The following KLHL1 variants were observed in gnomAD, a reference collection of about 807,000 sequenced individuals.
KLHL1 encodes the protein kelch-like protein 1.
A neutral mutation model predicts 77.7 loss-of-function variants in KLHL1; 47 were observed. The observed-to-expected ratio is 0.60, with a 90% confidence interval of 0.48 to 0.77. The LOEUF is 0.77. KLHL1 is among the 30% of genes least tolerant of loss of function. KLHL1 has a pLI of 0.00. For synonymous variants in KLHL1, 360 were observed against 325.2 expected, an observed-to-expected ratio of 1.11 and a Z score of -1.15; for missense variants, 925 against 910.8, an observed-to-expected ratio of 1.02 and a Z score of -0.20.
intron 1 of KLHL1, among the ~76,000 whole-genome samples, chr13:70,015,904 A>T (rs1197477916): frequency 6.6e-6 from 1 of 152,188 alleles, no homozygotes; most frequent in Non-Finnish European, 1.5e-5. Flanking sequence ...TTCCTTCAAG[A>T]ACATTTTCTT....
At chr13:69,755,648 TAA>T (rs376189037) in intron 7 of KLHL1, among the ~76,000 whole-genome samples, 1 of 151,240 alleles carries the variant, frequency 6.6e-6, no homozygotes, top group South Asian at 2.1e-4. Context: ...AAAGTAATTT[TAA>T]AAAAAAAGCA....
intron 6 of KLHL1, among the ~76,000 whole-genome samples, chr13:69,828,717 A>G (rs12431067): frequency 0.19 from 27,886 of 149,828 alleles, 4,763 homozygotes; most frequent in African/African-American, 0.36. Context: ...TGATGCTGGG[A>G]CAAGGTGGGA....
At chr13:69,964,048 T>G (rs538656697) in intron 2 of KLHL1, among the ~76,000 whole-genome samples, 1 of 90,646 alleles carries the variant, frequency 1.1e-5, no homozygotes, top group South Asian at 3.8e-4. Flanking sequence ...TTTGTCAGTT[T>G]GTTTGTTTTT....
intron 8 of KLHL1, among the ~76,000 whole-genome samples, chr13:69,731,580 G>C (rs867840948): frequency 2.6e-5 from 4 of 152,232 alleles, no homozygotes; most frequent in Middle Eastern, 6.8e-3. Context: ...TTTTGATATT[G>C]AGAGTGATTA....
At chr13:69,765,105 C>A (rs1413297405) in intron 7 of KLHL1, among the ~76,000 whole-genome samples, 2 of 151,362 alleles carry the variant, frequency 1.3e-5, no homozygotes, top group African/African-American at 4.9e-5. Flanking sequence ...GCATGTGCCA[C>A]CATGCCTGGC....
At chr13:69,944,907 C>A (rs533314591) in intron 3 of KLHL1, among the ~76,000 whole-genome samples, 1 of 151,608 alleles carries the variant, frequency 6.6e-6, no homozygotes, top group Non-Finnish European at 1.5e-5. Flanking sequence ...TTGATGTATA[C>A]CCCAAATGAT....
chr13:69,985,390 T>C (rs1357034282), intron 1 of KLHL1, among the ~76,000 whole-genome samples: 1 of 151,766 alleles, frequency 6.6e-6, no homozygotes, highest in African/African-American at 2.4e-5. Flanking sequence ...AAATGAAAAA[T>C]GCTCAACTTC....
chr13:69,841,442 A>AAT (rs138402941), intron 5 of KLHL1, among the ~76,000 whole-genome samples: 8,250 of 151,892 alleles, frequency 0.054, 353 homozygotes, highest in African/African-American at 0.11. Context: ...AGAAAAAAAA[A>AAT]CAAGTAGTCC....
chr13:69,941,753 T>G (rs559098485), intron 3 of KLHL1, among the ~76,000 whole-genome samples: 1 of 151,850 alleles, frequency 6.6e-6, no homozygotes, highest in Non-Finnish European at 1.5e-5. Flanking sequence ...AAGATCCAAA[T>G]AAACTCAATT....
rs9572300 is a variant in KLHL1, at chr13:69,842,224, A to G, written c.1228-3062T>C. Among the ~76,000 whole-genome samples the G allele has an allele frequency of 7.2e-5, 11 of 151,864 alleles. No homozygotes were observed. The East Asian group carries it at 2.1e-3, about 29-fold the overall frequency. On this transcript the variant is annotated intron_variant, in intron 5 of 10. Transcript: ENST00000377844. Reference sequence around the variant, plus strand: ...ATATCAAATTAAAAAGCTTCTGCACAACAAAGGAAAAAAATCAACAAAGTG... The same window carrying G: ...ATATCAAATTAAAAAGCTTCTGCACGACAAAGGAAAAAAATCAACAAAGTG...
At chr13:69,968,753 A>AT (rs1199538308) in intron 2 of KLHL1, among the ~76,000 whole-genome samples, 1 of 152,014 alleles carries the variant, frequency 6.6e-6, no homozygotes, top group Non-Finnish European at 1.5e-5. Flanking sequence ...AATGCTCATC[A>AT]TTTTTTATGG....
chr13:69,951,136 T>C lies in KLHL1; in HGVS notation c.817+10172A>G, dbSNP rs1198529363. On this transcript the variant is annotated intron_variant, in intron 3 of 10. Coordinates refer to ENST00000377844, the MANE Select transcript of KLHL1 (RefSeq NM_020866.3). ...GAAAAACTAATTGGTATGTCATTTC[T>C]ATGAATACAAACAGAGTTTTAAGAC... Among the ~76,000 whole-genome samples, 4 of 151,646 alleles carry C rather than the reference T, an allele frequency of 2.6e-5. No individual in the cohort carries two copies. In the Admixed American group the frequency reaches 2.6e-4, roughly 10 times the overall value.
chr13:69,828,663 G>A lies in KLHL1; in HGVS notation c.1414+10313C>T, dbSNP rs540565182. Among the ~76,000 whole-genome samples, 2 of 150,278 alleles carry A rather than the reference G, an allele frequency of 1.3e-5. 1 individual carries two copies. The highest frequency in any genetic ancestry group is 5.0e-5 in the African/African-American group (2 of 40,136). On this transcript the variant is annotated intron_variant, in intron 6 of 10. Transcript: ENST00000377844. ...CAGGGAGGTTTGCAGCCTGGGGCAAGATCTCAGCCCTGCTTATCAGCTGCC... is the reference window on the plus strand; with the variant it reads ...CAGGGAGGTTTGCAGCCTGGGGCAAAATCTCAGCCCTGCTTATCAGCTGCC...
chr13:69,784,714 A>G (rs1446262189), intron 7 of KLHL1, among the ~76,000 whole-genome samples: 5 of 151,626 alleles, frequency 3.3e-5, no homozygotes, highest in African/African-American at 4.9e-5. Context: ...AAAGAGACTT[A>G]GACTCCCACA....
intron 3 of KLHL1, among the ~76,000 whole-genome samples, chr13:69,957,468 G>C (rs17085791): frequency 0.13 from 19,450 of 151,484 alleles, 1,942 homozygotes; most frequent in East Asian, 0.29. Flanking sequence ...ATATGCATTC[G>C]CTATATTCCT....
At chr13:69,748,516 C>T (rs1021353201) in intron 7 of KLHL1, among the ~76,000 whole-genome samples, 1 of 151,926 alleles carries the variant, frequency 6.6e-6, no homozygotes, top group Non-Finnish European at 1.5e-5. Context: ...AATTATCTCC[C>T]CCTGGGTCCC....
chr13:69,760,033 C>T (rs895031405), intron 7 of KLHL1, among the ~76,000 whole-genome samples: 2 of 152,144 alleles, frequency 1.3e-5, no homozygotes, highest in Admixed American at 6.6e-5. Flanking sequence ...TTTCTTTAAA[C>T]CTCTTCTTTT....
intron 1 of KLHL1, among the ~76,000 whole-genome samples, chr13:70,068,675 T>C (rs1190596404): frequency 1.3e-5 from 2 of 152,248 alleles, no homozygotes; most frequent in East Asian, 1.9e-4. Context: ...TCTAAATCGC[T>C]TGTGGCTTTA....
intron 8 of KLHL1, among the ~76,000 whole-genome samples, chr13:69,719,951 G>A (rs1206108556): frequency 6.6e-6 from 1 of 151,958 alleles, no homozygotes; most frequent in Non-Finnish European, 1.5e-5. Flanking sequence ...ACATAAACAG[G>A]AGAAAGGCAT....
Sources: allele counts gnomAD v4.1 joint callset (sites outside exome capture counted in the v4.1 genomes callset), GRCh38; gene constraint gnomAD v4.1.1; transcripts MANE v1.5; gene names NCBI Gene and HGNC (gene_info 2026-07-23, HGNC 2026-07-21).